PIGU: variants seen among roughly 807,000 people sequenced by gnomAD.
The protein encoded by PIGU is phosphatidylinositol glycan anchor biosynthesis class U.
A neutral mutation model predicts 49.9 loss-of-function variants in PIGU; 24 were observed. The observed-to-expected ratio is 0.48, with a 90% CI of 0.35 to 0.68. The LOEUF (loss-of-function observed/expected upper bound fraction) is 0.68, where lower values mean the gene tolerates loss of function less well. PIGU is among the 30% of genes least tolerant of loss of function. The pLI is 0.01. For missense variants in PIGU, 490 were observed against 532.6 expected (o/e 0.92, Z 0.79); for synonymous variants, 220 against 205.7 (o/e 1.07, Z -0.59).
At chr20:34,579,155 A>C (rs1235964077) in intron 10 of PIGU, 1 of 152,204 alleles carries the variant, frequency 6.6e-6, no homozygotes, top group Non-Finnish European at 1.5e-5. Context: ...TTATATGTAT[A>C]TCTATCAACA....
chr20:34,665,600 A>G (rs1196523777), intron 1 of PIGU, among the ~76,000 whole-genome samples: 5 of 152,082 alleles, frequency 3.3e-5, no homozygotes, highest in South Asian at 4.2e-4. Flanking sequence ...TCAGCCTCCC[A>G]AAGTGCTGGG....
intron 3 of PIGU, among the ~76,000 whole-genome samples, chr20:34,645,058 A>T (rs1395314249): frequency 4.6e-5 from 7 of 151,998 alleles, no homozygotes; most frequent in Middle Eastern, 3.4e-3. Context: ...TTTTTTCTTA[A>T]ACACAAGATG....
chr20:34,646,732 G>A (rs1216576799), intron 2 of PIGU, among the ~76,000 whole-genome samples: 3 of 152,114 alleles, frequency 2.0e-5, no homozygotes, highest in Admixed American at 2.0e-4. Flanking sequence ...TCATTTAGTT[G>A]AAAATATATT....
intron 11 of PIGU, among the ~76,000 whole-genome samples, chr20:34,564,872 G>A (rs754866837): frequency 1.3e-5 from 2 of 152,210 alleles, no homozygotes; most frequent in Non-Finnish European, 2.9e-5. Flanking sequence ...CCCTGTGAGC[G>A]GCTTGGGCAC....
At chr20:34,643,267 A>G (rs1450102332) in intron 4 of PIGU, among the ~76,000 whole-genome samples, 1 of 152,052 alleles carries the variant, frequency 6.6e-6, no homozygotes, top group East Asian at 1.9e-4. Context: ...TCTCCATACC[A>G]TTTCCACAGT....
chr20:34,659,782 T>C (rs1413270733), intron 1 of PIGU, among the ~76,000 whole-genome samples: 1 of 152,196 alleles, frequency 6.6e-6, no homozygotes, highest in Non-Finnish European at 1.5e-5. Context: ...AAACATGTGC[T>C]GTGTCCACTC....
chr20:34,660,036 A>G (rs1986880948), intron 1 of PIGU, among the ~76,000 whole-genome samples: 1 of 141,718 alleles, frequency 7.1e-6, no homozygotes, highest in Admixed American at 7.4e-5. Context: ...AGAAACACCC[A>G]AGAATGATCA....
chr20:34,629,446 A>G (rs1348145253), intron 6 of PIGU, among the ~76,000 whole-genome samples: 1 of 152,188 alleles, frequency 6.6e-6, no homozygotes, highest in Non-Finnish European at 1.5e-5. Flanking sequence ...GAAAATACCT[A>G]AGTCTGTCCC....
chr20:34,649,097 G>A (rs1437015432), intron 2 of PIGU, among the ~76,000 whole-genome samples: 2 of 152,054 alleles, frequency 1.3e-5, no homozygotes, highest in African/African-American at 2.4e-5. Flanking sequence ...TCAAACTCCT[G>A]ACCTCGTGAT....
At chr20:34,566,114 T>C (rs966601656) in intron 11 of PIGU, among the ~76,000 whole-genome samples, 3 of 152,066 alleles carry the variant, frequency 2.0e-5, no homozygotes, top group Non-Finnish European at 2.9e-5. Flanking sequence ...ACACGCACGC[T>C]TGCCTGCTCA....
chr20:34,615,726 C>T (rs1421095818), intron 7 of PIGU, among the ~76,000 whole-genome samples: 1 of 152,056 alleles, frequency 6.6e-6, no homozygotes, highest in African/African-American at 2.4e-5. Context: ...CTGTTAGTCA[C>T]TTAGTAGTTG....
At chr20:34,652,221 T>C (rs1257357896) in intron 2 of PIGU, among the ~76,000 whole-genome samples, 2 of 152,032 alleles carry the variant, frequency 1.3e-5, no homozygotes, top group East Asian at 3.9e-4. Flanking sequence ...CCCAGGCTGG[T>C]CTTAAACTCC....
intron 7 of PIGU, 30 bp from the exon 8 acceptor site, chr20:34,588,637 A>G: frequency 6.3e-7 from 1 of 1,599,392 alleles, no homozygotes; most frequent in East Asian, 2.2e-5. Context: ...ATATAAACTT[A>G]GGGATGTAAA....
intron 11 of PIGU, among the ~76,000 whole-genome samples, chr20:34,563,744 T>C (rs1481258166): frequency 6.6e-6 from 1 of 151,816 alleles, no homozygotes; most frequent in Non-Finnish European, 1.5e-5. Flanking sequence ...CCTAGGGGGG[T>C]CTAGACTTGG....
intron 1 of PIGU, among the ~76,000 whole-genome samples, chr20:34,661,742 T>C (rs767372867): frequency 7.9e-5 from 12 of 152,156 alleles, no homozygotes; most frequent in Non-Finnish European, 1.5e-4. Flanking sequence ...AGTAATGGGA[T>C]TGATGGGTCG....
chr20:34,564,042 A>G lies in PIGU; in HGVS notation c.1195-3063T>C, dbSNP rs374814771. Among the ~76,000 whole-genome samples the G allele has an allele frequency of 3.9e-5, 6 of 152,362 alleles. No individual in the cohort carries two copies. In the East Asian group the frequency reaches 1.2e-3, roughly 29 times the overall value. On this transcript the variant is annotated intron_variant, in intron 11 of 11. Coordinates refer to ENST00000217446, the MANE Select transcript of PIGU (RefSeq NM_080476.5). ...CAAGATACCTGGCCAGCGCTCCTCA[A>G]CTGTCAAGGTCATGAGAAGTCAGAA...
At chr20:34,598,088 A>G (rs1424968259) in intron 7 of PIGU, among the ~76,000 whole-genome samples, 1 of 152,172 alleles carries the variant, frequency 6.6e-6, no homozygotes, top group African/African-American at 2.4e-5. Flanking sequence ...GGTAGTCATA[A>G]CCTCTGAGGT....
In PIGU at chr20:34,634,668, G is replaced by A. The variant is rs765159192; in HGVS notation, c.476C>T (p.Thr159Ile). 1 of 1,613,266 alleles carries A rather than the reference G, an allele frequency of 6.2e-7. No individual in the cohort carries two copies. ...YTILSCVAKSTCAINNTLIAF... is the reference protein window; with the variant it reads ...YTILSCVAKSICAINNTLIAF... ...AATGAGGGTGTTGTTGATGGCACAG[G>A]TAGACTTGGCAACACAAGACAAAAT... Residue 159 changes from threonine to isoleucine, a missense_variant, in exon 6 of 12, where the codon ACC (threonine) becomes ATC (isoleucine). By Grantham distance (89) the Thr-to-Ile change is moderately conservative. Coordinates refer to ENST00000217446, the MANE Select transcript of PIGU (RefSeq NM_080476.5).
At chr20:34,650,427 C>T (rs772843062) in intron 2 of PIGU, among the ~76,000 whole-genome samples, 4 of 151,304 alleles carry the variant, frequency 2.6e-5, no homozygotes, top group Non-Finnish European at 5.9e-5. Flanking sequence ...CACACCACCA[C>T]ACCCAGCTAG....
Sources: gnomAD v4.1 joint callset for allele counts (sites outside exome capture counted in the v4.1 genomes callset) on GRCh38, gnomAD v4.1.1 for gene constraint, MANE v1.5 for transcripts, NCBI Gene and HGNC (gene_info 2026-07-23, HGNC 2026-07-21) for gene names.